ACE: variants seen among roughly 807,000 people sequenced by gnomAD.
The protein encoded by ACE is angiotensin-converting enzyme.
In ACE, 122 loss-of-function variants were observed where a neutral mutation model predicts 162.3. The observed-to-expected ratio is 0.75, with a 90% CI of 0.65 to 0.87. The LOEUF is 0.87. Among genes scored for constraint, ACE ranks in the 40% least tolerant of loss-of-function variants. The pLI is 0.00. For synonymous variants in ACE, 796 were observed against 720.6 expected, an observed-to-expected ratio of 1.10 and a Z score of -1.68; for missense variants, 1,799 against 1,735.1, an observed-to-expected ratio of 1.04 and a Z score of -0.65.
At chr17:63,495,231 T>C (rs1194199159) in intron 22 of ACE, among the ~76,000 whole-genome samples, 1 of 152,160 alleles carries the variant, frequency 6.6e-6, no homozygotes, top group Non-Finnish European at 1.5e-5. Context: ...CCCCTCTCCT[T>C]CTGTGTGCCC....
In ACE at chr17:63,496,947, A is replaced by C; in HGVS notation, c.3653A>C (p.Lys1218Thr). 5 of 1,613,028 alleles carry C rather than the reference A, an allele frequency of 3.1e-6. No individual in the cohort carries two copies. The highest frequency in any genetic ancestry group is 4.2e-6 in the Non-Finnish European group (5 of 1,179,916). The change falls in exon 24 of 25, where the codon AAG (lysine) becomes ACG (threonine). Residue 1218 changes from lysine (K) to threonine (T), a missense_variant. Physicochemically the swap from Lys to Thr is moderately conservative, Grantham distance 78 (BLOSUM62 -1). Coordinates refer to ENST00000290866, the MANE Select transcript of ACE (RefSeq NM_000789.4). The stretch of plus-strand genomic sequence containing the variant: ...ACGGAGAACGAGCTGCATGGGGAGA[A>C]GCTGGGCTGGCCGCAGTACAACTGG... ...LRTENELHGE[K>T]LGWPQYNWTP...
At chr17:63,483,610 A>G in intron 10 of ACE, 52 bp downstream of exon 10, 2 of 1,274,992 alleles carry the variant, frequency 1.6e-6, no homozygotes, top group East Asian at 3.2e-5. Flanking sequence ...CCCTCAATCC[A>G]CTTCTCCTCC....
intron 17 of ACE, among the ~76,000 whole-genome samples, chr17:63,489,639 A>T (rs1320225754): frequency 2.0e-5 from 3 of 152,186 alleles, no homozygotes; most frequent in Non-Finnish European, 4.4e-5. Flanking sequence ...AAGGGCTGCA[A>T]TCTCAGATGC....
intron 5 of ACE, 24 bp downstream of exon 5, chr17:63,480,552 CAT>C (rs748403699): frequency 2.5e-6 from 4 of 1,612,636 alleles, no homozygotes; most frequent in East Asian, 2.2e-5. Context: ...CTCGCCTCCA[CAT>C]GAGTCCCACG....
In ACE at chr17:63,491,121, C is replaced by G; in HGVS notation, c.2739+70C>G. The G allele has an allele frequency of 1.2e-6, 2 of 1,610,574 alleles. No individual in the cohort carries two copies. Among genetic ancestry groups the G allele is most frequent in the Non-Finnish European group, 1.7e-6 (2 of 1,177,758 alleles). On this transcript the variant is annotated intron_variant, in intron 18 of 24. Coordinates refer to ENST00000290866, the MANE Select transcript of ACE (RefSeq NM_000789.4). This position sits in a 1 kb window ranked among gnomAD's most constrained non-coding sequence, Gnocchi z 4.4. The stretch of plus-strand genomic sequence containing the variant: ...GGACCCTCTGATTCAGGAGTTCCCT[C>G]CAGTTTAGCCCTCCCCCGGGATCCC...
At position 63,497,024 on chromosome 17, in the gene ACE, C is replaced by T. The variant is rs769766742; in HGVS notation, c.3691+39C>T. 81 of 1,395,340 alleles carry T rather than the reference C, an allele frequency of 5.8e-5. No homozygotes were observed. The Middle Eastern group carries it at 1.1e-3, about 19-fold the overall frequency. 86.4% of individuals were successfully genotyped at this position (1,395,340 alleles called of 1,614,324 possible). The stretch of plus-strand genomic sequence containing the variant: ...CCCCACCTCCAGCCTTGGGTCTTAA[C>T]CCCCTCCCCAGGCTGGGCAGCCATG... On this transcript the variant is annotated intron_variant, in intron 24 of 24. Coordinates refer to ENST00000290866, the MANE Select transcript of ACE (RefSeq NM_000789.4).
chr17:63,484,252 A>G lies in ACE; in HGVS notation c.1710-78A>G. The stretch of plus-strand genomic sequence containing the variant: ...AGTCCATTGGGGGGCGGAAGTGGCC[A>G]GGGGCATGTGGGCCGGGGTCCAGGA... On this transcript the variant is annotated intron_variant, in intron 11 of 24. Transcript: ENST00000290866. This position sits in a 1 kb window ranked among gnomAD's most constrained non-coding sequence, Gnocchi z 4.0. The G allele has an allele frequency of 6.7e-7, 1 of 1,485,822 alleles. No homozygotes were observed. Among genetic ancestry groups the G allele is most frequent in the Non-Finnish European group, 9.1e-7 (1 of 1,096,870 alleles). The allele number at this position is 1,485,822 out of a possible 1,614,324, so 92.0% of individuals were successfully genotyped here.
Position 63,497,573 on chromosome 17 carries a change from C to T in ACE, c.*207C>T. The T allele has an allele frequency of 1.4e-6, 1 of 702,484 alleles. No homozygotes were observed. The highest frequency in any genetic ancestry group is 2.6e-6 in the Non-Finnish European group (1 of 385,486). The allele number at this position is 702,484 out of a possible 1,614,324, so 43.5% of individuals were successfully genotyped here. A position where few individuals can be genotyped will look rare whatever the true frequency, so the allele number is the denominator to read the frequency against. On this transcript the variant is annotated 3_prime_UTR_variant, in exon 25 of 25. Coordinates refer to ENST00000290866, the MANE Select transcript of ACE (RefSeq NM_000789.4). ...CACGGCTGCCTGACACTGAGCCCCA[C>T]CTCTCCAAGTCTCTCTGTGAATACA...
Position 63,484,419 on chromosome 17 carries a change from T to A in ACE, c.1799T>A (p.Leu600His). The change falls in exon 12 of 25, where the codon CTC becomes CAC. Residue 600 changes from leucine to histidine, a missense_variant. Coordinates refer to ENST00000290866, the MANE Select transcript of ACE (RefSeq NM_000789.4). This position sits in a 1 kb window ranked among gnomAD's most constrained non-coding sequence, Gnocchi z 4.0. ...GATGCCCTGGATGCCCAGCCGCTGC[T>A]CAAGTACTTCCAGCCAGTCACCCAG... ...GLDALDAQPL[L>H]KYFQPVTQWL... 1 of 1,612,406 alleles carries A rather than the reference T, an allele frequency of 6.2e-7. No homozygotes were observed. The highest frequency in any genetic ancestry group is 1.1e-5 in the South Asian group (1 of 90,910).
intron 7 of ACE, among the ~76,000 whole-genome samples, 163 bp from the exon 8 acceptor site, chr17:63,482,303 A>AG (rs1169119653): frequency 1.3e-5 from 2 of 151,526 alleles, no homozygotes; most frequent in Non-Finnish European, 2.9e-5. Context: ...GCTGTCTCAA[A>AG]AAAAAAAAAG....
At chr17:63,489,173 C>T in intron 17 of ACE, 41 bp downstream of exon 17, 4 of 1,595,316 alleles carry the variant, frequency 2.5e-6, no homozygotes, top group Non-Finnish European at 3.4e-6. Flanking sequence ...TAAAGACGGA[C>T]CACAGTGTGA....
chr17:63,483,567 G>GCGGGGGGGGCCCCCCCCCCCCCCCCCC lies in ACE; in HGVS notation c.1586+10_1586+11insGGGGGGGGCCCCCCCCCCCCCCCCCCC. ...GTGACACCATACATCAGGTATTAGC[G>GCGGGGGGGGCCCCCCCCCCCCCCCCCC]CCCCCACCCCACCCACCCCCAGTAC... On this transcript the variant is annotated intron_variant, in intron 10 of 24. Coordinates refer to ENST00000290866, the MANE Select transcript of ACE (RefSeq NM_000789.4). The GCGGGGGGGGCCCCCCCCCCCCCCCCCC allele has an allele frequency of 1.9e-6, 3 of 1,589,320 alleles. No individual in the cohort carries two copies. Among genetic ancestry groups the GCGGGGGGGGCCCCCCCCCCCCCCCCCC allele is most frequent in the Non-Finnish European group, 2.6e-6 (3 of 1,165,500 alleles).
intron 6 of ACE, 30 bp downstream of exon 6, chr17:63,481,218 G>A (rs752206812): frequency 2.6e-6 from 4 of 1,543,850 alleles, no homozygotes; most frequent in African/African-American, 1.4e-5. Context: ...CTGGGGTGGT[G>A]GGGGTCGGGG....
chr17:63,487,659 A>ACC (rs954018525), intron 15 of ACE, among the ~76,000 whole-genome samples: 2 of 151,344 alleles, frequency 1.3e-5, no homozygotes, highest in Admixed American at 6.6e-5. Flanking sequence ...GGTCCTTCTT[A>ACC]CCCCGGCCCG....
chr17:63,493,841 C>T, intron 20 of ACE, 81 bp from the exon 21 acceptor site: 1 of 1,602,444 alleles, frequency 6.2e-7, no homozygotes. Context: ...TACAGCACCC[C>T]CACCCCTCCA....
In ACE at chr17:63,477,942, C is replaced by T. The variant is rs1368094472; in HGVS notation, c.261C>T (p.Ala87=). The part of the protein sequence containing the change: ...AENARRQEEA[A]LLSQEFAEAW... ...CTGGTGCCCAATAGGAGGAAGCAGC[C>T]CTGCTCAGCCAGGAGTTTGCGGAGG... The change falls in exon 2 of 25, where the codon GCC becomes GCT. Residue 87 remains alanine (A), a synonymous_variant. Coordinates refer to ENST00000290866, the MANE Select transcript of ACE (RefSeq NM_000789.4). The T allele has an allele frequency of 1.2e-6, 2 of 1,610,928 alleles. No individual in the cohort carries two copies. The highest frequency in any genetic ancestry group is 1.1e-5 in the South Asian group (1 of 90,384).
At position 63,483,463 on chromosome 17, in the gene ACE, C is replaced by T. The variant is rs1303300504; in HGVS notation, c.1491C>T (p.Thr497=). Residue 497 remains threonine (T), a synonymous_variant, in exon 10 of 25, where the codon ACC becomes ACT. Coordinates refer to ENST00000290866, the MANE Select transcript of ACE (RefSeq NM_000789.4). ...CAATTTAACCATCCTTTTCCAGAAC[C>T]AAGTATCAGGGGATCTGTCCTCCTG... is the stretch of plus-strand genomic sequence containing the variant. ...RYNFDWWYLR[T]KYQGICPPVT... The T allele has an allele frequency of 1.2e-6, 2 of 1,613,762 alleles. No homozygotes were observed. The highest frequency in any genetic ancestry group is 3.3e-5 in the Admixed American group (2 of 60,014).
At position 63,483,044 on chromosome 17, in the gene ACE, A is replaced by G; in HGVS notation, c.1358A>G (p.Tyr453Cys). The change falls in exon 9 of 25, where the codon TAC becomes TGC. Residue 453 changes from tyrosine to cysteine, a missense_variant. By Grantham distance (194) the Tyr-to-Cys change is radical. Coordinates refer to ENST00000290866, the MANE Select transcript of ACE (RefSeq NM_000789.4). ...CTCCCAACAGAAAGTGACATCAATT[A>G]CTTGCTAAAAATGGCACTGGAAAAA... ...VTNDTESDIN[Y>C]LLKMALEKIA... 6.2e-7 allele frequency: 1 copy of G among 1,614,038 alleles called. No individual in the cohort carries two copies. The highest frequency in any genetic ancestry group is 8.5e-7 in the Non-Finnish European group (1 of 1,179,990).
Position 63,494,514 on chromosome 17 carries a change from A to G in ACE, c.3380+44A>G, listed in dbSNP as rs1471601285. On this transcript the variant is annotated intron_variant, in intron 22 of 24. Coordinates refer to ENST00000290866, the MANE Select transcript of ACE (RefSeq NM_000789.4). ...GGGCACATTGTGAGGGGCAGTACCCACAGCTTTGTGTTTCAACTGCGGCCA... is the reference window on the plus strand; with the variant it reads ...GGGCACATTGTGAGGGGCAGTACCCGCAGCTTTGTGTTTCAACTGCGGCCA... The G allele has an allele frequency of 1.9e-6, 3 of 1,541,958 alleles. No homozygotes were observed. In the African/African-American group the frequency reaches 4.1e-5, roughly 21 times the overall value.
Sources: gnomAD v4.1 joint callset for allele counts (sites outside exome capture counted in the v4.1 genomes callset) on GRCh38, gnomAD v4.1.1 for gene constraint, Gnocchi (gnomAD v3.1) non-coding constraint, MANE v1.5 for transcripts, NCBI Gene and HGNC (gene_info 2026-07-23, HGNC 2026-07-21) for gene names.